Variants in STK32A observed in about 807,000 individuals in gnomAD.
The protein encoded by STK32A is serine/threonine-protein kinase 32A.
A neutral mutation model predicts 53.2 loss-of-function variants in STK32A; 41 were observed. The ratio of observed to expected loss-of-function variants is 0.77; its 90% CI spans 0.60 to 1.00. The LOEUF is 1.00. STK32A is among the 50% of genes least tolerant of loss of function. STK32A has a pLI of 0.00. For synonymous variants in STK32A, 166 were observed against 162.8 expected, an observed-to-expected ratio of 1.02 and a Z score of -0.15; for missense variants, 458 against 485.8, an observed-to-expected ratio of 0.94 and a Z score of 0.54.
At chr5:147,313,088 A>C (rs2151972168) in intron 4 of STK32A, among the ~76,000 whole-genome samples, 1 of 139,222 alleles carries the variant, frequency 7.2e-6, no homozygotes, top group African/African-American at 2.7e-5. Context: ...AAAAAAAATT[A>C]GCCAGTCATG....
chr5:147,353,432 CT>C (rs780062754), intron 7 of STK32A, among the ~76,000 whole-genome samples: 1 of 152,156 alleles, frequency 6.6e-6, no homozygotes, highest in African/African-American at 2.4e-5. Flanking sequence ...AAGTTAGACA[CT>C]GCACAGTTGC....
At chr5:147,325,166 C>A (rs965268754) in intron 5 of STK32A, among the ~76,000 whole-genome samples, 3 of 152,146 alleles carry the variant, frequency 2.0e-5, no homozygotes, top group Admixed American at 2.0e-4. Context: ...AAAATCAGTA[C>A]ATGTGACTCT....
intron 5 of STK32A, among the ~76,000 whole-genome samples, chr5:147,334,658 G>A (rs1188970114): frequency 2.0e-5 from 3 of 152,082 alleles, no homozygotes; most frequent in Admixed American, 2.0e-4. Flanking sequence ...GGCTTAGCCT[G>A]GTTTCTCAAA....
At chr5:147,272,901 TAG>T (rs1755102950) in intron 2 of STK32A, among the ~76,000 whole-genome samples, 2 of 152,196 alleles carry the variant, frequency 1.3e-5, no homozygotes, top group African/African-American at 4.8e-5. Context: ...GCCTGTTCAG[TAG>T]AAAGGTTTAC....
intron 2 of STK32A, among the ~76,000 whole-genome samples, chr5:147,259,827 GTT>G (rs1310650689): frequency 9.2e-6 from 1 of 108,590 alleles, no homozygotes; most frequent in African/African-American, 3.8e-5. Flanking sequence ...TCTCTCTCTT[GTT>G]TCTCTCTCCT....
chr5:147,300,047 A>T (rs1290286375), intron 4 of STK32A, among the ~76,000 whole-genome samples: 1 of 152,174 alleles, frequency 6.6e-6, no homozygotes, highest in African/African-American at 2.4e-5. Flanking sequence ...TATGTGACTC[A>T]GAGTGCTAGC....
At chr5:147,335,165 T>A (rs1755057491) in intron 5 of STK32A, among the ~76,000 whole-genome samples, 1 of 152,188 alleles carries the variant, frequency 6.6e-6, no homozygotes, top group Non-Finnish European at 1.5e-5. Flanking sequence ...AAGGGGGGAT[T>A]ACTATACTAC....
At chr5:147,368,284 C>G (rs766682350) in intron 8 of STK32A, among the ~76,000 whole-genome samples, 5 of 152,214 alleles carry the variant, frequency 3.3e-5, no homozygotes, top group Admixed American at 1.3e-4. Context: ...GAAATACAAC[C>G]ATATTCACAA....
chr5:147,324,428 AAG>A (rs2151978394), intron 5 of STK32A, among the ~76,000 whole-genome samples: 1 of 152,306 alleles, frequency 6.6e-6, no homozygotes, highest in South Asian at 2.1e-4. Flanking sequence ...AATGAAAAGA[AAG>A]AAAGTTCTTT....
At chr5:147,313,554 C>G (rs891041126) in intron 4 of STK32A, among the ~76,000 whole-genome samples, 1 of 152,198 alleles carries the variant, frequency 6.6e-6, no homozygotes, top group South Asian at 2.1e-4. Context: ...CAGAAATTCA[C>G]AAGCTGATCT....
At chr5:147,338,649 T>C (rs1426791000) in intron 5 of STK32A, among the ~76,000 whole-genome samples, 1 of 152,274 alleles carries the variant, frequency 6.6e-6, no homozygotes, top group East Asian at 1.9e-4. Context: ...CTGATAGTGA[T>C]ATGAATGAAA....
intron 1 of STK32A, among the ~76,000 whole-genome samples, chr5:147,237,963 T>TA (rs1753397801): frequency 1.3e-5 from 2 of 152,334 alleles, no homozygotes; most frequent in African/African-American, 4.8e-5. Flanking sequence ...AACTATTTTT[T>TA]TAAAAATACG....
At chr5:147,282,661 A>G (rs1752120340) in intron 4 of STK32A, among the ~76,000 whole-genome samples, 1 of 152,220 alleles carries the variant, frequency 6.6e-6, no homozygotes, top group Non-Finnish European at 1.5e-5. Context: ...CAGACAAAAC[A>G]AACTTTAAAG....
intron 6 of STK32A, among the ~76,000 whole-genome samples, chr5:147,350,287 T>C (rs1755905057): frequency 1.3e-5 from 2 of 150,778 alleles, no homozygotes; most frequent in South Asian, 4.2e-4. Flanking sequence ...AGAAAAGGGA[T>C]GCTTTCTTGG....
chr5:147,401,111 G>T, the STK32A span, among the ~76,000 whole-genome samples: 1 of 152,216 alleles, frequency 6.6e-6, no homozygotes, highest in Admixed American at 6.5e-5. Flanking sequence ...TATGTCTGCA[G>T]AGGGCAGCAA....
intron 4 of STK32A, among the ~76,000 whole-genome samples, chr5:147,300,160 T>A (rs1753061454): frequency 6.6e-6 from 1 of 152,150 alleles, no homozygotes; most frequent in Non-Finnish European, 1.5e-5. Flanking sequence ...TTACTTTGGG[T>A]TTTACATATA....
intron 9 of STK32A, 96 bp downstream of exon 9, chr5:147,370,866 A>C (rs1756979286): frequency 1.3e-6 from 1 of 757,688 alleles, no homozygotes; most frequent in Admixed American, 2.1e-5. Context: ...GGGGACAGTC[A>C]TGATAGTATA....
At chr5:147,329,364 G>GA (rs1195531045) in intron 5 of STK32A, among the ~76,000 whole-genome samples, 1 of 152,050 alleles carries the variant, frequency 6.6e-6, no homozygotes, top group Non-Finnish European at 1.5e-5. Flanking sequence ...TGACAGTGAA[G>GA]AAAAAAATCT....
chr5:147,263,177 C>T (rs1754660355), intron 2 of STK32A, among the ~76,000 whole-genome samples: 1 of 152,122 alleles, frequency 6.6e-6, no homozygotes, highest in African/African-American at 2.4e-5. Context: ...ATACTGGCAG[C>T]CAAGGACTCA....
Sources: gnomAD v4.1 joint callset for allele counts (sites outside exome capture counted in the v4.1 genomes callset) on GRCh38, gnomAD v4.1.1 for gene constraint, MANE v1.5 for transcripts, NCBI Gene and HGNC (gene_info 2026-07-23, HGNC 2026-07-21) for gene names.